The following ABCB11 variants were observed in gnomAD, a reference collection of about 807,000 sequenced individuals.
ABCB11 encodes ATP binding cassette subfamily B member 11, also known as bile salt export pump.
A neutral mutation model predicts 148.0 loss-of-function variants in ABCB11; 95 were observed. That is an observed-to-expected ratio of 0.64 (90% CI 0.54 to 0.76). The LOEUF is 0.76. ABCB11 is among the 30% of genes least tolerant of loss of function. The pLI is 0.00. For synonymous variants in ABCB11, 591 were observed against 555.4 expected (o/e 1.06, Z -0.90); for missense variants, 1,523 against 1,617.8 (o/e 0.94, Z 1.01).
chr2:168,941,916 A>G (rs184185831), intron 21 of ABCB11, among the ~76,000 whole-genome samples: 27 of 152,160 alleles, frequency 1.8e-4, no homozygotes, highest in African/African-American at 6.3e-4. Flanking sequence ...CAACTTTTAT[A>G]TGCACTAGGA....
intron 25 of ABCB11, among the ~76,000 whole-genome samples, chr2:168,929,048 G>T (rs1691448232): frequency 6.6e-6 from 1 of 151,872 alleles, no homozygotes; most frequent in Non-Finnish European, 1.5e-5. Flanking sequence ...CTTCATAATA[G>T]TATATTACAT....
At chr2:168,980,118 G>T in intron 10 of ABCB11, 139 bp from the exon 11 acceptor site, 1 of 511,728 alleles carries the variant, frequency 2.0e-6, no homozygotes, top group Non-Finnish European at 3.5e-6. Context: ...CTCTTTGGCT[G>T]TTTGGAAATA....
At chr2:169,017,031 C>A (rs569655963) in intron 2 of ABCB11, among the ~76,000 whole-genome samples, 23 of 147,864 alleles carry the variant, frequency 1.6e-4, no homozygotes, top group Admixed American at 4.0e-4. Flanking sequence ...CACGAAGACA[C>A]TCGTTTAGGG....
chr2:168,944,503 T>C, intron 21 of ABCB11, 102 bp downstream of exon 21: 1 of 1,290,406 alleles, frequency 7.7e-7, no homozygotes, highest in Non-Finnish European at 1.1e-6. Flanking sequence ...CCAATCCCAC[T>C]GGTCCCTATT....
At chr2:169,005,099 T>C (rs1170712647) in intron 5 of ABCB11, among the ~76,000 whole-genome samples, 1 of 152,008 alleles carries the variant, frequency 6.6e-6, no homozygotes, top group Non-Finnish European at 1.5e-5. Flanking sequence ...GTTGTGTTTT[T>C]ATTTAGTGTG....
At chr2:169,008,612 A>C (rs962296076) in intron 5 of ABCB11, among the ~76,000 whole-genome samples, 1 of 152,146 alleles carries the variant, frequency 6.6e-6, no homozygotes, top group Admixed American at 6.6e-5. Context: ...TCATTATTCT[A>C]CCTATGAGAG....
At chr2:168,937,946 C>T (rs373055290) in intron 21 of ABCB11, among the ~76,000 whole-genome samples, 10 of 151,984 alleles carry the variant, frequency 6.6e-5, no homozygotes, top group South Asian at 4.2e-4. Context: ...TAGGCAGGTA[C>T]GACCAAAGCT....
Position 168,930,746 on chromosome 2 carries a change from C to A in ABCB11, c.3330G>T (p.Ala1110=), listed in dbSNP as rs113099601. 1.9e-6 allele frequency: 3 copies of A among 1,610,512 alleles called. No homozygotes were observed. The change falls in exon 25 of 28, where the codon GCG becomes GCT. Residue 1110 remains alanine, a synonymous_variant. Transcript: ENST00000650372. The part of the protein sequence containing the change: ...SVSISPGQTL[A]FVGSSGCGKS... ...TGCCACATCCACTGCTCCCAACAAA[C>A]GCCAGTGTCTGCCCTGGACTAATCG...
intron 3 of ABCB11, among the ~76,000 whole-genome samples, chr2:169,015,545 C>T (rs532943592): frequency 6.6e-6 from 1 of 152,246 alleles, no homozygotes; most frequent in Admixed American, 6.5e-5. Flanking sequence ...CCTGCTACTC[C>T]TTCTCCCCAG....
At chr2:169,020,757 T>C (rs1298390398) in intron 1 of ABCB11, among the ~76,000 whole-genome samples, 1 of 152,084 alleles carries the variant, frequency 6.6e-6, no homozygotes, top group Non-Finnish European at 1.5e-5. Flanking sequence ...GAGGAGTGAC[T>C]GGTAACAGAT....
At chr2:168,974,735 G>C (rs532549649) in intron 12 of ABCB11, among the ~76,000 whole-genome samples, 76 of 151,756 alleles carry the variant, frequency 5.0e-4, no homozygotes, top group Non-Finnish European at 8.0e-4. Flanking sequence ...AAAAGTAATG[G>C]CAAAAACCTC....
intron 5 of ABCB11, among the ~76,000 whole-genome samples, chr2:169,009,304 A>C (rs1274189417): frequency 6.6e-6 from 1 of 152,118 alleles, no homozygotes; most frequent in Admixed American, 6.6e-5. Flanking sequence ...CACTATTCAC[A>C]ATAGCAAAGA....
At chr2:168,927,759 C>A (rs1691380955) in intron 25 of ABCB11, among the ~76,000 whole-genome samples, 1 of 152,078 alleles carries the variant, frequency 6.6e-6, no homozygotes. Flanking sequence ...AGCTTTTGGG[C>A]AATATAAGGG....
chr2:169,017,956 A>G (rs763052580), intron 2 of ABCB11, 94 bp downstream of exon 2: 4 of 1,054,600 alleles, frequency 3.8e-6, no homozygotes, highest in Non-Finnish European at 6.0e-6. Flanking sequence ...ACTGTTGCTG[A>G]TTTTTTTCTG....
chr2:168,973,725 C>T lies in ABCB11; in HGVS notation c.1424G>A (p.Cys475Tyr). 6.2e-7 allele frequency: 1 copy of T among 1,611,856 alleles called. No individual in the cohort carries two copies. The highest frequency in any genetic ancestry group is 2.2e-5 in the East Asian group (1 of 44,802). ...CTGGAAGACACCCACCATTCCTTCA[C>T]AGGGGTCATAGAATCGCTGAATGAG... is the stretch of plus-strand genomic sequence containing the variant. ...LQLIQRFYDP[C>Y]EGMVTVDGHD... is the part of the protein sequence containing the mutation. The change falls in exon 13 of 28, where the codon TGT becomes TAT. Residue 475 changes from cysteine (C) to tyrosine (Y), a missense_variant. Physicochemically the swap from Cys to Tyr is radical, Grantham distance 194. Coordinates refer to ENST00000650372, the MANE Select transcript of ABCB11 (RefSeq NM_003742.4).
intron 12 of ABCB11, 113 bp from the exon 13 acceptor site, chr2:168,973,953 A>T: frequency 3.3e-6 from 4 of 1,218,162 alleles, no homozygotes; most frequent in South Asian, 1.5e-5. Flanking sequence ...GTGTGCGTTT[A>T]TGTATGCCCC....
chr2:169,014,185 A>T (rs1695282428), intron 4 of ABCB11, 118 bp downstream of exon 4: 2 of 978,852 alleles, frequency 2.0e-6, no homozygotes, highest in Admixed American at 3.5e-5. Context: ...CTATGACTGA[A>T]AAAGTGATCA....
At chr2:168,970,343 T>G in intron 14 of ABCB11, 128 bp from the exon 15 acceptor site, 2 of 1,539,382 alleles carry the variant, frequency 1.3e-6, no homozygotes, top group Non-Finnish European at 1.7e-6. Context: ...CGACTTCCAC[T>G]GAAAGAAATA....
chr2:168,986,635 C>T (rs1274789699), intron 9 of ABCB11, among the ~76,000 whole-genome samples: 1 of 152,030 alleles, frequency 6.6e-6, no homozygotes, highest in Non-Finnish European at 1.5e-5. Flanking sequence ...CATGACATGT[C>T]CTTATCAGAA....
Sources: allele counts gnomAD v4.1 joint callset (sites outside exome capture counted in the v4.1 genomes callset), GRCh38; gene constraint gnomAD v4.1.1; transcripts MANE v1.5; gene names NCBI Gene and HGNC (gene_info 2026-07-23, HGNC 2026-07-21).